The following KPNB1 variants were observed in gnomAD, a reference collection of about 807,000 sequenced individuals.
KPNB1 encodes the protein importin subunit beta-1.
Under a neutral mutation model 113.0 loss-of-function variants are expected in KPNB1, and 7 were observed. The observed-to-expected ratio is 0.06, with a 90% CI of 0.04 to 0.12. The LOEUF is 0.12. Among genes scored for constraint, KPNB1 ranks in the 10% least tolerant of loss-of-function variants. The pLI is 1.00. For missense variants in KPNB1, 400 were observed against 1,054.8 expected (o/e 0.38, Z 8.60); for synonymous variants, 363 against 378.6 (o/e 0.96, Z 0.48).
chr17:47,662,710 C>T (rs576092487), intron 6 of KPNB1, among the ~76,000 whole-genome samples: 5 of 152,078 alleles, frequency 3.3e-5, no homozygotes, highest in Admixed American at 6.5e-5. Flanking sequence ...AGCAAAACCC[C>T]GTCTCTACTA....
rs2143069721 is a variant in KPNB1 at position 47,650,183 on chromosome 17, G to A, written c.-62G>A. The A allele has an allele frequency of 7.6e-7, 1 of 1,309,174 alleles. No homozygotes were observed. Among genetic ancestry groups the A allele is most frequent in the Non-Finnish European group, 9.8e-7 (1 of 1,020,612 alleles). 81.1% of individuals were successfully genotyped at this position (1,309,174 alleles called of 1,614,324 possible). On this transcript the variant is annotated 5_prime_UTR_variant, in exon 1 of 22. Coordinates refer to ENST00000290158, the MANE Select transcript of KPNB1 (RefSeq NM_002265.6). ...CCCCCAACCCCCATCCCCAGTTCGA[G>A]CCGCCGCCCGAAAGGCCGGGCCGTC...
chr17:47,672,395 T>C (rs1285138769), intron 12 of KPNB1, among the ~76,000 whole-genome samples: 1 of 151,602 alleles, frequency 6.6e-6, no homozygotes, highest in Non-Finnish European at 1.5e-5. Flanking sequence ...ATGAAGAAAA[T>C]TGGGGTATTT....
At chr17:47,658,724 T>TTTTTG (rs2029986784) in intron 5 of KPNB1, 64 bp downstream of exon 5, 1 of 1,449,720 alleles carries the variant, frequency 6.9e-7, no homozygotes. Context: ...GAATGAAAGT[T>TTTTTG]TTTTGTTTTG....
intron 6 of KPNB1, among the ~76,000 whole-genome samples, chr17:47,661,902 C>G (rs960340762): frequency 1.3e-5 from 2 of 152,184 alleles, no homozygotes; most frequent in East Asian, 3.8e-4. Context: ...TATACACAAA[C>G]AGTTAAGGGA....
chr17:47,658,905 G>A (rs2029999511), intron 5 of KPNB1, among the ~76,000 whole-genome samples: 3 of 152,122 alleles, frequency 2.0e-5, no homozygotes, highest in African/African-American at 7.2e-5. Context: ...AGTCCAAAGT[G>A]TGGAATGTTG....
At chr17:47,675,362 T>TTTTTTG (rs2030571076) in intron 15 of KPNB1, among the ~76,000 whole-genome samples, 2 of 105,146 alleles carry the variant, frequency 1.9e-5, no homozygotes, top group African/African-American at 4.2e-5. Context: ...AGAGGTGTTG[T>TTTTTTG]TTTTTTTTTG....
chr17:47,683,866 T>C lies in KPNB1; in HGVS notation c.*1462T>C, dbSNP rs529183974. 6.6e-6 allele frequency: 1 copy of C among 152,400 alleles called. No individual in the cohort carries two copies. Among genetic ancestry groups the C allele is most frequent in the South Asian group, 2.1e-4 (1 of 4,830 alleles). The allele number at this position is 152,400 out of a possible 1,614,324, so 9.4% of individuals were successfully genotyped here. ...GTCAAACGTCCCCTGGTCACACACTTGAATATTTTTTTAGAAGTGTGATGT... is the reference window on the plus strand; with the variant it reads ...GTCAAACGTCCCCTGGTCACACACTCGAATATTTTTTTAGAAGTGTGATGT... On this transcript the variant is annotated 3_prime_UTR_variant, in exon 22 of 22. Coordinates refer to ENST00000290158, the MANE Select transcript of KPNB1 (RefSeq NM_002265.6).
intron 15 of KPNB1, 52 bp from the exon 16 acceptor site, chr17:47,676,357 C>CTCTG: frequency 7.7e-7 from 1 of 1,305,520 alleles, no homozygotes; most frequent in Non-Finnish European, 1.1e-6. Flanking sequence ...TTCTGCCTGC[C>CTCTG]TCTGTGTTAA....
intron 4 of KPNB1, among the ~76,000 whole-genome samples, chr17:47,657,374 A>G (rs1263772610): frequency 6.6e-6 from 1 of 152,210 alleles, no homozygotes; most frequent in Admixed American, 6.5e-5. Flanking sequence ...AAGATCCCGA[A>G]TGTACCATGA....
At chr17:47,650,838 C>T (rs529253127) in intron 2 of KPNB1, among the ~76,000 whole-genome samples, 1 of 152,242 alleles carries the variant, frequency 6.6e-6, no homozygotes, top group Non-Finnish European at 1.5e-5. Flanking sequence ...CGGCCGCCCG[C>T]CCTGTCTGAC....
At chr17:47,669,587 A>G (rs1597933358) in intron 10 of KPNB1, 91 bp from the exon 11 acceptor site, 1 of 926,844 alleles carries the variant, frequency 1.1e-6, no homozygotes, top group Non-Finnish European at 1.7e-6. Flanking sequence ...TTTTTGAGTT[A>G]AGCCATCCAT....
chr17:47,682,260 G>T (rs1356712921), intron 21 of KPNB1, 144 bp from the exon 22 acceptor site: 6 of 713,030 alleles, frequency 8.4e-6, no homozygotes, highest in Non-Finnish European at 1.3e-5. Flanking sequence ...ATGGCACATA[G>T]GACAAGAAGA....
At chr17:47,654,893 C>T (rs994949322) in intron 3 of KPNB1, among the ~76,000 whole-genome samples, 2 of 152,170 alleles carry the variant, frequency 1.3e-5, no homozygotes, top group African/African-American at 4.8e-5. Flanking sequence ...CTCATTCCCT[C>T]GTGTCTTTGA....
At chr17:47,666,955 A>G (rs2030306474) in intron 9 of KPNB1, among the ~76,000 whole-genome samples, 1 of 151,726 alleles carries the variant, frequency 6.6e-6, no homozygotes. Flanking sequence ...CCTATTTGAG[A>G]ACAAATTATT....
intron 9 of KPNB1, among the ~76,000 whole-genome samples, chr17:47,666,453 TA>T (rs1468117369): frequency 7.3e-6 from 1 of 136,396 alleles, no homozygotes; most frequent in Non-Finnish European, 1.5e-5. Flanking sequence ...TTTTATATAT[TA>T]TGTTATATAT....
intron 4 of KPNB1, 60 bp downstream of exon 4, chr17:47,657,120 C>A: frequency 7.4e-7 from 1 of 1,351,338 alleles, no homozygotes; most frequent in Non-Finnish European, 1.0e-6. Context: ...GCTGTGACAT[C>A]AATGATATTA....
chr17:47,657,858 T>G (rs1209718874), intron 4 of KPNB1, among the ~76,000 whole-genome samples: 1 of 152,194 alleles, frequency 6.6e-6, no homozygotes, highest in Admixed American at 6.5e-5. Flanking sequence ...TATTCCCAAA[T>G]GGAAACGGGT....
At position 47,661,197 on chromosome 17, in the gene KPNB1, GA is replaced by G; in HGVS notation, c.696+24del. 2 of 1,587,706 alleles carry G rather than the reference GA, an allele frequency of 1.3e-6. No individual in the cohort carries two copies. Among genetic ancestry groups the G allele is most frequent in the Non-Finnish European group, 1.7e-6 (2 of 1,155,970 alleles). ...TACGAGGGTAAGTGTGAGGTTATAT[GA>G]AAAATCTGTCTTACATCTTTCTTAG... On this transcript the variant is annotated intron_variant, in intron 6 of 21. Coordinates refer to ENST00000290158, the MANE Select transcript of KPNB1 (RefSeq NM_002265.6).
intron 8 of KPNB1, among the ~76,000 whole-genome samples, chr17:47,664,770 A>AGT (rs562843103): frequency 1.8e-3 from 278 of 152,148 alleles, no homozygotes; most frequent in Non-Finnish European, 3.0e-3. Context: ...AGGCAAACTG[A>AGT]GTGTGTGTTG....
Sources: gnomAD v4.1 joint callset for allele counts (sites outside exome capture counted in the v4.1 genomes callset) on GRCh38, gnomAD v4.1.1 for gene constraint, MANE v1.5 for transcripts, NCBI Gene and HGNC (gene_info 2026-07-23, HGNC 2026-07-21) for gene names.